Variants in CDH13 observed in about 807,000 individuals in gnomAD.
The protein encoded by CDH13 is cadherin-13.
CDH13 carries 24 observed loss-of-function variants against 63.8 expected under a neutral mutation model. The ratio of observed to expected loss-of-function variants is 0.38; its 90% CI spans 0.27 to 0.53. The LOEUF is 0.53. Among genes scored for constraint, CDH13 ranks in the 20% least tolerant of loss-of-function variants. The pLI is 0.85. For missense variants in CDH13, 1,049 were observed against 903.1 expected, an observed-to-expected ratio of 1.16 and a Z score of -2.07; for synonymous variants, 503 against 355.3, an observed-to-expected ratio of 1.42 and a Z score of -4.67.
intron 1 of CDH13, among the ~76,000 whole-genome samples, chr16:82,729,093 C>T (rs1172193701): frequency 6.6e-6 from 1 of 152,160 alleles, no homozygotes; most frequent in Non-Finnish European, 1.5e-5. Flanking sequence ...TCCACCACAT[C>T]TGCCGTTACT....
At chr16:83,150,285 G>A (rs962215592) in intron 4 of CDH13, among the ~76,000 whole-genome samples, 1 of 152,132 alleles carries the variant, frequency 6.6e-6, no homozygotes, top group African/African-American at 2.4e-5. Context: ...TAATAATAAT[G>A]ACATCCCTAA....
chr16:83,340,107 T>A (rs972195338), intron 5 of CDH13, among the ~76,000 whole-genome samples: 1 of 152,236 alleles, frequency 6.6e-6, no homozygotes, highest in Non-Finnish European at 1.5e-5. Flanking sequence ...TTTCAATTAA[T>A]AACCAATTTC....
At chr16:83,692,015 A>G (rs1904946502) in intron 10 of CDH13, among the ~76,000 whole-genome samples, 2 of 152,054 alleles carry the variant, frequency 1.3e-5, no homozygotes, top group Admixed American at 1.3e-4. Context: ...AAATTACCCA[A>G]AGAAATTCAC....
At chr16:82,732,154 T>C (rs985229330) in intron 1 of CDH13, among the ~76,000 whole-genome samples, 2 of 152,208 alleles carry the variant, frequency 1.3e-5, no homozygotes, top group African/African-American at 4.8e-5. Flanking sequence ...ACTTCCTTTT[T>C]ACCAAAAGAC....
At chr16:83,732,204 C>T (rs1293942494) in intron 10 of CDH13, among the ~76,000 whole-genome samples, 1 of 152,204 alleles carries the variant, frequency 6.6e-6, no homozygotes, top group African/African-American at 2.4e-5. Context: ...CAGCTTACAG[C>T]TCTTTCCCAT....
chr16:82,899,167 A>G (rs2041372460), intron 2 of CDH13, among the ~76,000 whole-genome samples: 1 of 152,180 alleles, frequency 6.6e-6, no homozygotes, highest in Admixed American at 6.5e-5. Flanking sequence ...AGGGTCTCAC[A>G]TTAGCTGAGT....
chr16:83,122,295 A>G (rs760997052), intron 3 of CDH13, among the ~76,000 whole-genome samples: 4 of 152,218 alleles, frequency 2.6e-5, no homozygotes, highest in Non-Finnish European at 4.4e-5. Flanking sequence ...AACAGTTTCT[A>G]GCTCAAATTT....
intron 6 of CDH13, among the ~76,000 whole-genome samples, chr16:83,449,512 G>A (rs1438768671): frequency 6.6e-6 from 1 of 152,178 alleles, no homozygotes; most frequent in Non-Finnish European, 1.5e-5. Flanking sequence ...GTGAATCAAA[G>A]CAAATTAATT....
chr16:82,661,201 C>T (rs762853331), intron 1 of CDH13, among the ~76,000 whole-genome samples: 1 of 152,196 alleles, frequency 6.6e-6, no homozygotes, highest in East Asian at 1.9e-4. Context: ...GTGAGGTTGG[C>T]TTCAAGCTCT....
chr16:82,921,260 A>C (rs371853991), intron 2 of CDH13, among the ~76,000 whole-genome samples: 15 of 152,154 alleles, frequency 9.9e-5, no homozygotes, highest in African/African-American at 3.4e-4. Flanking sequence ...GTGCTGGCAG[A>C]GCTACACTCT....
chr16:83,648,375 G>T (rs928450384), intron 8 of CDH13, among the ~76,000 whole-genome samples: 2 of 152,152 alleles, frequency 1.3e-5, no homozygotes, highest in African/African-American at 4.8e-5. Flanking sequence ...GTGATGCAGT[G>T]ATTTTAGAAA....
At chr16:83,180,821 T>G (rs1159907057) in intron 4 of CDH13, 2 of 1,315,446 alleles carry the variant, frequency 1.5e-6, no homozygotes, top group Non-Finnish European at 1.1e-6. Context: ...GTTGGCTTGT[T>G]TATTTTAATC....
chr16:83,772,490 T>C (rs1914826003), intron 11 of CDH13, among the ~76,000 whole-genome samples: 1 of 152,124 alleles, frequency 6.6e-6, no homozygotes. Context: ...TCCAATTACT[T>C]ATAACACTGA....
At chr16:83,188,463 A>T (rs1187018218) in intron 4 of CDH13, among the ~76,000 whole-genome samples, 1 of 151,766 alleles carries the variant, frequency 6.6e-6, no homozygotes, top group East Asian at 1.9e-4. Context: ...ATTCTTTTTG[A>T]GTCCTCTTGG....
intron 8 of CDH13, among the ~76,000 whole-genome samples, chr16:83,627,682 C>G (rs1482532866): frequency 6.6e-6 from 1 of 152,132 alleles, no homozygotes; most frequent in African/African-American, 2.4e-5. Context: ...CCCCAAGTAG[C>G]TGGGGTTATA....
chr16:82,756,511 A>G (rs1388892893), intron 1 of CDH13, among the ~76,000 whole-genome samples: 1 of 152,196 alleles, frequency 6.6e-6, no homozygotes, highest in Non-Finnish European at 1.5e-5. Flanking sequence ...TTCCTTGCCC[A>G]AGTTTCTCAG....
intron 10 of CDH13, among the ~76,000 whole-genome samples, chr16:83,681,227 A>G (rs1196837614): frequency 6.6e-6 from 1 of 152,090 alleles, no homozygotes; most frequent in Non-Finnish European, 1.5e-5. Context: ...ATGGGAACAA[A>G]TGCTGTGTAA....
chr16:82,798,401 G>C (rs1206821624), intron 1 of CDH13, among the ~76,000 whole-genome samples: 5 of 152,048 alleles, frequency 3.3e-5, no homozygotes, highest in Non-Finnish European at 2.9e-5. Context: ...CCCCTAGACT[G>C]TTTCTTAAAT....
At chr16:82,812,858 C>T (rs963132468) in intron 1 of CDH13, among the ~76,000 whole-genome samples, 7 of 142,260 alleles carry the variant, frequency 4.9e-5, no homozygotes, top group Non-Finnish European at 9.1e-5. Flanking sequence ...TTCCTCCCTT[C>T]TTTCCTGTAG....
Sources: gnomAD v4.1 joint callset for allele counts (sites outside exome capture counted in the v4.1 genomes callset) on GRCh38, gnomAD v4.1.1 for gene constraint, MANE v1.5 for transcripts, NCBI Gene and HGNC (gene_info 2026-07-23, HGNC 2026-07-21) for gene names.